The following SLC8A1 variants were observed in gnomAD, a reference collection of about 807,000 sequenced individuals.
SLC8A1 encodes sodium/calcium exchanger 1.
Under a neutral mutation model 68.3 loss-of-function variants are expected in SLC8A1, and 18 were observed. The observed-to-expected ratio is 0.26, with a 90% CI of 0.18 to 0.39. SLC8A1 has a LOEUF of 0.39. SLC8A1 is among the 10% of genes least tolerant of loss of function. SLC8A1 has a pLI of 1.00. For missense variants in SLC8A1, 985 were observed against 1,156.7 expected, an observed-to-expected ratio of 0.85 and a Z score of 2.15; for synonymous variants, 475 against 415.5, an observed-to-expected ratio of 1.14 and a Z score of -1.74.
In SLC8A1 at chr2:40,205,816, G is replaced by GAA. The variant is rs199504864; in HGVS notation, c.1809-27963_1809-27962dup. 5.5e-3 allele frequency among the ~76,000 whole-genome samples: 704 copies of GAA among 128,748 alleles called. 4 individuals are homozygous for GAA. The highest frequency in any genetic ancestry group is 7.0e-3 in the Non-Finnish European group (438 of 62,868). The allele number at this position is 128,748 out of a possible 152,430, so 84.5% of individuals were successfully genotyped here. On this transcript the variant is annotated intron_variant, in intron 2 of 7. Transcript: ENST00000406785. Reference sequence around the variant, plus strand: ...AACTTAGAAGTTGAAAAAATATCTTGAAAAAAAAAAAAAAAAGAAAAAGTC... The same window carrying GAA: ...AACTTAGAAGTTGAAAAAATATCTTGAAAAAAAAAAAAAAAAAAGAAAAAGTC...
chr2:40,495,941 C>T (rs757405931), intron 1 of SLC8A1, among the ~76,000 whole-genome samples: 35 of 151,928 alleles, frequency 2.3e-4, no homozygotes, highest in Non-Finnish European at 4.6e-4. Context: ...TCTCAGGCAA[C>T]AAAAAATTAT....
At chr2:40,304,026 T>A (rs1304050106) in intron 2 of SLC8A1, among the ~76,000 whole-genome samples, 1 of 152,126 alleles carries the variant, frequency 6.6e-6, no homozygotes, top group Admixed American at 6.5e-5. Context: ...AAGCTGGAGG[T>A]CAACATCTCC....
chr2:40,134,777 AACAC>A (rs759656421), intron 7 of SLC8A1, among the ~76,000 whole-genome samples: 22 of 152,246 alleles, frequency 1.4e-4, no homozygotes, highest in South Asian at 2.1e-4. Context: ...CCCAAAGACA[AACAC>A]ACAGATACAC....
At chr2:40,318,661 T>G (rs1250653934) in intron 2 of SLC8A1, among the ~76,000 whole-genome samples, 2 of 152,012 alleles carry the variant, frequency 1.3e-5, no homozygotes, top group African/African-American at 4.8e-5. Context: ...AAGTAGAACC[T>G]AGAGATATTT....
At chr2:40,483,799 G>A (rs1704789047) in intron 1 of SLC8A1, among the ~76,000 whole-genome samples, 1 of 152,250 alleles carries the variant, frequency 6.6e-6, no homozygotes, top group East Asian at 1.9e-4. Context: ...AACTTGAGCA[G>A]CCATCATGGT....
chr2:40,363,536 A>G (rs1675189637), intron 2 of SLC8A1, among the ~76,000 whole-genome samples: 1 of 152,118 alleles, frequency 6.6e-6, no homozygotes, highest in African/African-American at 2.4e-5. Context: ...AAAAGCTATC[A>G]TTATTATTAA....
intron 2 of SLC8A1, among the ~76,000 whole-genome samples, chr2:40,188,091 A>G (rs757919629): frequency 3.9e-5 from 6 of 152,192 alleles, no homozygotes; most frequent in Non-Finnish European, 8.8e-5. Flanking sequence ...ATGGCAAAAT[A>G]GATGCAAATT....
chr2:40,200,705 C>T (rs2148708049), intron 2 of SLC8A1, among the ~76,000 whole-genome samples: 1 of 151,826 alleles, frequency 6.6e-6, no homozygotes, highest in East Asian at 2.0e-4. Flanking sequence ...GAAGACATTC[C>T]TTGCTGACCA....
In SLC8A1 at chr2:40,300,434, T is replaced by C. The variant is rs115666658; in HGVS notation, c.1809-122579A>G. On this transcript the variant is annotated intron_variant, in intron 2 of 7. Coordinates refer to ENST00000406785, the Ensembl canonical transcript of SLC8A1. ...AAGTTCGAGTGTTTAAAATCCAGAA[T>C]GTTCCATTCCATAAAAAAAAAGACA... Among the ~76,000 whole-genome samples, 1,421 of 152,276 alleles carry C rather than the reference T, an allele frequency of 9.3e-3. 24 individuals carry two copies. The highest frequency in any genetic ancestry group is 0.032 in the African/African-American group (1,340 of 41,562).
At chr2:40,343,068 TA>T (rs1415977020) in intron 2 of SLC8A1, among the ~76,000 whole-genome samples, 6 of 152,158 alleles carry the variant, frequency 3.9e-5, no homozygotes, top group Non-Finnish European at 7.4e-5. Flanking sequence ...TGGAATAAAT[TA>T]TTTTTTTCTT....
intron 7 of SLC8A1, among the ~76,000 whole-genome samples, chr2:40,127,487 T>G (rs1558454188): frequency 6.6e-6 from 1 of 152,210 alleles, no homozygotes; most frequent in African/African-American, 2.4e-5. Flanking sequence ...AGGCTCATCA[T>G]ACACAGAATC....
chr2:40,407,575 C>T (rs1345166003), intron 2 of SLC8A1, among the ~76,000 whole-genome samples: 1 of 152,168 alleles, frequency 6.6e-6, no homozygotes, highest in South Asian at 2.1e-4. Flanking sequence ...TCCTTCCACA[C>T]CAACAGGTCC....
At chr2:40,406,450 C>T (rs951456752) in intron 2 of SLC8A1, among the ~76,000 whole-genome samples, 4 of 151,976 alleles carry the variant, frequency 2.6e-5, no homozygotes, top group Admixed American at 2.0e-4. Context: ...AATAAATAAA[C>T]GTCAGAAAAT....
rs189307095 is a variant in SLC8A1 at position 40,390,087 on chromosome 2, C to A, written c.1808+38386G>T. 2.0e-5 allele frequency among the ~76,000 whole-genome samples: 3 copies of A among 151,916 alleles called. No homozygotes were observed. In the East Asian group the frequency reaches 5.8e-4, roughly 30 times the overall value. On this transcript the variant is annotated intron_variant, in intron 2 of 7. Coordinates refer to ENST00000406785, the Ensembl canonical transcript of SLC8A1. The stretch of plus-strand genomic sequence containing the variant: ...AGATATGTTGTAATGTATTATTAGG[C>A]AATTGTAATGGAAGAAACATTTTAC...
chr2:40,341,124 T>C (rs1432760343), intron 2 of SLC8A1, among the ~76,000 whole-genome samples: 1 of 152,196 alleles, frequency 6.6e-6, no homozygotes, highest in South Asian at 2.1e-4. Flanking sequence ...ATTGCCTTGT[T>C]TGGTGTGTAC....
chr2:40,297,713 A>T (rs547699079), intron 2 of SLC8A1, among the ~76,000 whole-genome samples: 6 of 152,284 alleles, frequency 3.9e-5, no homozygotes, highest in African/African-American at 1.2e-4. Context: ...AAATCCTAAA[A>T]TGCCTTATTG....
chr2:40,404,692 C>T (rs1431992777), intron 2 of SLC8A1, among the ~76,000 whole-genome samples: 2 of 152,138 alleles, frequency 1.3e-5, no homozygotes, highest in Non-Finnish European at 2.9e-5. Flanking sequence ...GAAAGTAAAA[C>T]TAGAGCATTT....
At chr2:40,442,903 A>G (rs1471709842) in intron 1 of SLC8A1, among the ~76,000 whole-genome samples, 1 of 152,210 alleles carries the variant, frequency 6.6e-6, no homozygotes, top group African/African-American at 2.4e-5. Flanking sequence ...GTACATAGAC[A>G]CCATGGAATA....
At chr2:40,334,101 T>C (rs957774410) in intron 2 of SLC8A1, among the ~76,000 whole-genome samples, 2 of 152,158 alleles carry the variant, frequency 1.3e-5, no homozygotes, top group East Asian at 3.9e-4. Context: ...TATATCCATT[T>C]TGTTGCAACA....
Sources: gnomAD v4.1 joint callset for allele counts (sites outside exome capture counted in the v4.1 genomes callset) on GRCh38, gnomAD v4.1.1 for gene constraint, MANE v1.5 for transcripts, NCBI Gene and HGNC (gene_info 2026-07-23, HGNC 2026-07-21) for gene names.